The following RPS6KC1 variants were observed in gnomAD, a reference collection of about 807,000 sequenced individuals.
RPS6KC1 encodes the protein ribosomal protein S6 kinase C1, also known as inactive ribosomal protein S6 kinase delta-1.
In RPS6KC1, 54 loss-of-function variants were observed where a neutral mutation model predicts 103.8. The ratio of observed to expected loss-of-function variants is 0.52; its 90% confidence interval spans 0.42 to 0.65. The LOEUF (loss-of-function observed/expected upper bound fraction) is 0.65, where lower values mean the gene tolerates loss of function less well. Ranked by LOEUF, RPS6KC1 falls within the 30% of genes least tolerant of loss-of-function variation. The pLI, the probability that RPS6KC1 is intolerant of heterozygous loss-of-function variation, is 0.00. For missense variants in RPS6KC1, 1,151 were observed against 1,253.8 expected (o/e 0.92, Z 1.24); for synonymous variants, 439 against 438.7 (o/e 1.00, Z -0.01).
chr1:213,670,217 C>T, the RPS6KC1 span, among the ~76,000 whole-genome samples: 1 of 152,184 alleles, frequency 6.6e-6, no homozygotes, highest in Non-Finnish European at 1.5e-5. Context: ...GTTATTTCAA[C>T]TCATCTGCCC....
At position 213,153,734 on chromosome 1, in the gene RPS6KC1, C is replaced by G. The variant is rs368318888; in HGVS notation, c.836-14124C>G. ...TCCTTTTCTTTCTGATTGAAGTACTCCCTTTAGCACTTCTTGTAGGACAGG... is the reference window on the plus strand; with the variant it reads ...TCCTTTTCTTTCTGATTGAAGTACTGCCTTTAGCACTTCTTGTAGGACAGG... On this transcript the variant is annotated intron_variant, in intron 6 of 14. Transcript: ENST00000366960. Among the ~76,000 whole-genome samples, 35 of 152,268 alleles carry G rather than the reference C, an allele frequency of 2.3e-4. No homozygotes were observed. In the East Asian group the frequency reaches 4.6e-3, roughly 20 times the overall value.
chr1:213,516,988 C>T, the RPS6KC1 span, among the ~76,000 whole-genome samples: 1 of 152,174 alleles, frequency 6.6e-6, no homozygotes, highest in Admixed American at 6.5e-5. Context: ...TTATCCATTT[C>T]TTCTAGATTT....
chr1:213,550,007 C>T, the RPS6KC1 span, among the ~76,000 whole-genome samples: 1 of 152,060 alleles, frequency 6.6e-6, no homozygotes, highest in African/African-American at 2.4e-5. Context: ...CTGAGGGGTG[C>T]ACAGCAGGCA....
At chr1:213,226,985 G>A (rs1260878318) in intron 8 of RPS6KC1, among the ~76,000 whole-genome samples, 1 of 152,190 alleles carries the variant, frequency 6.6e-6, no homozygotes, top group East Asian at 1.9e-4. Flanking sequence ...TATTATCTTT[G>A]TGAGTATGGA....
the RPS6KC1 span, among the ~76,000 whole-genome samples, chr1:213,616,046 G>A: frequency 1.3e-5 from 2 of 152,232 alleles, no homozygotes; most frequent in Non-Finnish European, 2.9e-5. Context: ...TGTACTGTGT[G>A]TCCCTTCTCC....
At chr1:213,718,464 A>C in the RPS6KC1 span, among the ~76,000 whole-genome samples, 1 of 152,114 alleles carries the variant, frequency 6.6e-6, no homozygotes, top group Non-Finnish European at 1.5e-5. Context: ...GATATGTAAC[A>C]CCCTCTCTGA....
intron 8 of RPS6KC1, among the ~76,000 whole-genome samples, chr1:213,203,748 T>G (rs1198284972): frequency 6.6e-6 from 1 of 152,230 alleles, no homozygotes; most frequent in Non-Finnish European, 1.5e-5. Context: ...TTTTTACATT[T>G]TGATTTATAC....
chr1:213,759,152 A>G, the RPS6KC1 span, among the ~76,000 whole-genome samples: 1 of 152,216 alleles, frequency 6.6e-6, no homozygotes, highest in East Asian at 1.9e-4. Context: ...GTCAGCAGCC[A>G]TCAACATGGA....
the RPS6KC1 span, among the ~76,000 whole-genome samples, chr1:213,508,215 C>G: frequency 6.6e-6 from 1 of 152,052 alleles, no homozygotes; most frequent in African/African-American, 2.4e-5. Context: ...ATCATTAAGG[C>G]TTGGATTAAT....
chr1:213,341,178 A>G, the RPS6KC1 span, among the ~76,000 whole-genome samples: 1 of 152,114 alleles, frequency 6.6e-6, no homozygotes, highest in Non-Finnish European at 1.5e-5. Context: ...TCCTCTCAGC[A>G]TGTCCCTTTT....
chr1:213,151,717 G>A lies in RPS6KC1; in HGVS notation c.836-16141G>A, dbSNP rs552004509. Among the ~76,000 whole-genome samples the A allele has an allele frequency of 2.7e-3, 338 of 123,718 alleles. 3 individuals carry two copies. Among genetic ancestry groups the A allele is most frequent in the Non-Finnish European group, 3.9e-3 (227 of 58,046 alleles). The allele number at this position is 123,718 out of a possible 152,430, so 81.2% of individuals were successfully genotyped here. A position where few individuals can be genotyped will look rare whatever the true frequency, so the allele number is the denominator to read the frequency against. ...CACCTCCCGGACGGGGCGGCTGGCCGGGCGGGGGGCTGACCCCCCCACCCA... is the reference window on the plus strand; with the variant it reads ...CACCTCCCGGACGGGGCGGCTGGCCAGGCGGGGGGCTGACCCCCCCACCCA... On this transcript the variant is annotated intron_variant, in intron 6 of 14. Transcript: ENST00000366960.
the RPS6KC1 span, among the ~76,000 whole-genome samples, chr1:213,664,971 A>G: frequency 6.6e-6 from 1 of 152,228 alleles, no homozygotes; most frequent in Non-Finnish European, 1.5e-5. Context: ...GTATTCAGTC[A>G]TTTATACTGG....
intron 4 of RPS6KC1, among the ~76,000 whole-genome samples, chr1:213,107,305 T>G (rs1420010437): frequency 6.6e-6 from 1 of 152,150 alleles, no homozygotes; most frequent in East Asian, 1.9e-4. Context: ...GGTGATCCCC[T>G]TTTCCATCCC....
At chr1:213,857,930 A>G in the RPS6KC1 span, among the ~76,000 whole-genome samples, 1 of 152,220 alleles carries the variant, frequency 6.6e-6, no homozygotes, top group Non-Finnish European at 1.5e-5. Flanking sequence ...TTCTCATGCC[A>G]AATAGGAGAG....
the RPS6KC1 span, among the ~76,000 whole-genome samples, chr1:213,455,252 A>G: frequency 7.9e-5 from 12 of 152,278 alleles, no homozygotes; most frequent in Admixed American, 5.9e-4. Context: ...GGTGATTCCA[A>G]TGAGGAATGG....
At chr1:213,054,886 C>G (rs1480058066) in intron 1 of RPS6KC1, among the ~76,000 whole-genome samples, 1 of 152,140 alleles carries the variant, frequency 6.6e-6, no homozygotes, top group East Asian at 1.9e-4. Flanking sequence ...GAAGGAGACA[C>G]AAGTGTAAGA....
intron 4 of RPS6KC1, among the ~76,000 whole-genome samples, chr1:213,111,649 G>A (rs1357225894): frequency 6.6e-6 from 1 of 152,068 alleles, no homozygotes; most frequent in Non-Finnish European, 1.5e-5. Context: ...TAAATACTCT[G>A]TGTGTATTTT....
chr1:213,658,913 T>C, the RPS6KC1 span, among the ~76,000 whole-genome samples: 1 of 152,236 alleles, frequency 6.6e-6, no homozygotes, highest in African/African-American at 2.4e-5. Flanking sequence ...ATGTATTACA[T>C]GTGTTAGTAA....
the RPS6KC1 span, among the ~76,000 whole-genome samples, chr1:213,392,407 G>T: frequency 7.9e-5 from 12 of 152,212 alleles, no homozygotes; most frequent in Admixed American, 6.5e-4. Flanking sequence ...AGCAGAGATG[G>T]ATTGGCAGGT....
Sources: allele counts gnomAD v4.1 joint callset (sites outside exome capture counted in the v4.1 genomes callset), GRCh38; gene constraint gnomAD v4.1.1; transcripts MANE v1.5; gene names NCBI Gene and HGNC (gene_info 2026-07-23, HGNC 2026-07-21).